The following GABRA4 variants were observed in gnomAD, a reference collection of about 807,000 sequenced individuals.
GABRA4 encodes the protein gamma-aminobutyric acid type A receptor subunit alpha4.
Under a neutral mutation model 49.7 loss-of-function variants are expected in GABRA4, and 12 were observed. That is an observed-to-expected ratio of 0.24 (90% CI 0.15 to 0.39). The LOEUF is 0.39. Ranked by LOEUF, GABRA4 falls within the 10% of genes least tolerant of loss-of-function variation. GABRA4 has a pLI of 1.00. For missense variants in GABRA4, 506 were observed against 686.0 expected, an observed-to-expected ratio of 0.74 and a Z score of 2.93; for synonymous variants, 288 against 240.2, an observed-to-expected ratio of 1.20 and a Z score of -1.84.
At chr4:46,939,234 T>G (rs1721709365) in intron 8 of GABRA4, among the ~76,000 whole-genome samples, 1 of 152,084 alleles carries the variant, frequency 6.6e-6, no homozygotes, top group African/African-American at 2.4e-5. Flanking sequence ...ATTTCCCTTC[T>G]CTTCTTACTT....
chr4:46,950,918 G>T (rs1056715627), intron 8 of GABRA4, among the ~76,000 whole-genome samples: 3 of 151,832 alleles, frequency 2.0e-5, no homozygotes, highest in Admixed American at 1.3e-4. Flanking sequence ...GCGAGTATTA[G>T]ATTCCTTCCT....
At chr4:46,978,770 G>T (rs1723243634) in intron 3 of GABRA4, among the ~76,000 whole-genome samples, 1 of 151,406 alleles carries the variant, frequency 6.6e-6, no homozygotes, top group Admixed American at 6.6e-5. Flanking sequence ...TGCACCCTAG[G>T]TTGTGCTATA....
At chr4:46,979,666 C>A (rs188058030) in intron 2 of GABRA4, among the ~76,000 whole-genome samples, 1 of 152,238 alleles carries the variant, frequency 6.6e-6, no homozygotes, top group East Asian at 1.9e-4. Flanking sequence ...CTGCCACCTA[C>A]TAGCTGTACA....
chr4:46,971,647 A>G lies in GABRA4; in HGVS notation c.722-412T>C, dbSNP rs1430164782. Among the ~76,000 whole-genome samples the G allele has an allele frequency of 2.8e-4, 43 of 151,358 alleles. 1 individual carries two copies. In the Admixed American group the frequency reaches 2.8e-3, roughly 10 times the overall value. On this transcript the variant is annotated intron_variant, in intron 6 of 8. Coordinates refer to ENST00000264318, the MANE Select transcript of GABRA4 (RefSeq NM_000809.4). ...CAGTTACACATACACAGACACTGAC[A>G]CATACACACACATTTATGAAAATAT...
chr4:46,964,709 TA>T (rs552126337), intron 8 of GABRA4, among the ~76,000 whole-genome samples: 2 of 151,682 alleles, frequency 1.3e-5, no homozygotes, highest in African/African-American at 2.4e-5. Context: ...CCCCTTTCTG[TA>T]AAAAAAACCT....
rs965929893 is a variant in GABRA4 at position 46,920,246 on chromosome 4, A to C, written c.*7979T>G. 12 of 151,722 alleles carry C rather than the reference A, an allele frequency of 7.9e-5. No individual in the cohort carries two copies. The highest frequency in any genetic ancestry group is 2.4e-4 in the African/African-American group (10 of 41,420). The allele number at this position is 151,722 out of a possible 1,614,324, so 9.4% of individuals were successfully genotyped here. A position where few individuals can be genotyped will look rare whatever the true frequency, so the allele number is the denominator to read the frequency against. ...CAAGTAATAATTTGTATAGATACCC[A>C]TGGAAATCTATAGTTTGCATATTAA... On this transcript the variant is annotated 3_prime_UTR_variant, in exon 9 of 9. Coordinates refer to ENST00000264318, the MANE Select transcript of GABRA4 (RefSeq NM_000809.4).
At position 46,923,497 on chromosome 4, in the gene GABRA4, T is replaced by A. The variant is rs560076726; in HGVS notation, c.*4728A>T. On this transcript the variant is annotated 3_prime_UTR_variant, in exon 9 of 9. Coordinates refer to ENST00000264318, the MANE Select transcript of GABRA4 (RefSeq NM_000809.4). ...TTCTGATTTCTGGGTGGTAGAATTT[T>A]GAGATTGTTTTTAAGTTTCTACAAT... is the stretch of plus-strand genomic sequence containing the variant. 1.3e-5 allele frequency: 2 copies of A among 152,160 alleles called. No individual in the cohort carries two copies. Among genetic ancestry groups the A allele is most frequent in the African/African-American group, 4.8e-5 (2 of 41,442 alleles). The allele number at this position is 152,160 out of a possible 1,614,324, so 9.4% of individuals were successfully genotyped here. A position where few individuals can be genotyped will look rare whatever the true frequency, so the allele number is the denominator to read the frequency against.
chr4:46,975,706 T>C (rs1236204031), intron 5 of GABRA4, among the ~76,000 whole-genome samples: 1 of 151,942 alleles, frequency 6.6e-6, no homozygotes, highest in African/African-American at 2.4e-5. Context: ...GAGAGCTTTT[T>C]CTGAGAACTA....
Position 46,928,499 on chromosome 4 carries a change from A to G in GABRA4, c.1391T>C (p.Met464Thr), listed in dbSNP as rs756707519. The G allele has an allele frequency of 6.2e-7, 1 of 1,613,690 alleles. No homozygotes were observed. Among genetic ancestry groups the G allele is most frequent in the Non-Finnish European group, 8.5e-7 (1 of 1,179,728 alleles). Residue 464 changes from methionine to threonine, a missense_variant, in exon 9 of 9, where the codon ATG becomes ACG. By Grantham distance (81) the Met-to-Thr change is moderately conservative. This residue lies in a region of GABRA4 where 243 missense variants were observed against 210.8 expected (regional missense o/e 1.15). Transcript: ENST00000264318. ...ASPTSIRTGYMPRKASVGSAS... is the reference protein window; with the variant it reads ...ASPTSIRTGYTPRKASVGSAS... ...AGATCCAACTGAAGCCTTTCGAGGC[A>G]TATATCCAGTTCGGATAGAAGTAGG...
chr4:46,975,901 T>C (rs1560480277), intron 5 of GABRA4, among the ~76,000 whole-genome samples: 2 of 152,084 alleles, frequency 1.3e-5, no homozygotes, highest in East Asian at 3.9e-4. Flanking sequence ...ACTCTCTGGC[T>C]TCAAGTTAGC....
chr4:46,970,184 C>T (rs374289539), intron 7 of GABRA4, among the ~76,000 whole-genome samples: 45 of 151,472 alleles, frequency 3.0e-4, no homozygotes, highest in African/African-American at 1.0e-3. Flanking sequence ...TTAGTTCCTT[C>T]GCACCAGCAT....
chr4:46,979,234 T>C (rs909881234), intron 2 of GABRA4, 136 bp from the exon 3 acceptor site: 123 of 611,448 alleles, frequency 2.0e-4, no homozygotes, highest in Middle Eastern at 4.2e-4. Context: ...AGTGAGATAA[T>C]GAATCTCTAC....
chr4:46,946,803 C>A (rs1338072291), intron 8 of GABRA4, among the ~76,000 whole-genome samples: 1 of 152,052 alleles, frequency 6.6e-6, no homozygotes, highest in Non-Finnish European at 1.5e-5. Flanking sequence ...GAAAGTTCCA[C>A]ACAAATTTCT....
chr4:46,975,924 G>A (rs1346413613), intron 5 of GABRA4, among the ~76,000 whole-genome samples: 1 of 151,910 alleles, frequency 6.6e-6, no homozygotes, highest in Non-Finnish European at 1.5e-5. Flanking sequence ...ACTGAATATT[G>A]TGATTACTAG....
intron 2 of GABRA4, among the ~76,000 whole-genome samples, chr4:46,987,936 C>A (rs982537331): frequency 1.3e-5 from 2 of 152,122 alleles, no homozygotes; most frequent in Admixed American, 1.3e-4. Flanking sequence ...TCCCCAGAGA[C>A]CCTATGAGAC....
chr4:46,978,217 C>T (rs1723212388), intron 3 of GABRA4, among the ~76,000 whole-genome samples: 1 of 151,970 alleles, frequency 6.6e-6, no homozygotes, highest in Non-Finnish European at 1.5e-5. Flanking sequence ...CTGACCAGTG[C>T]TTCGTATTCT....
At position 46,923,912 on chromosome 4, in the gene GABRA4, T is replaced by C. The variant is rs1577735405; in HGVS notation, c.*4313A>G. ...TACCTCCAAACACAGAACTAAGAATTTGTAGTAAGAGTTCCCCTTGACTTT... is the reference window on the plus strand; with the variant it reads ...TACCTCCAAACACAGAACTAAGAATCTGTAGTAAGAGTTCCCCTTGACTTT... On this transcript the variant is annotated 3_prime_UTR_variant, in exon 9 of 9. Coordinates refer to ENST00000264318, the MANE Select transcript of GABRA4 (RefSeq NM_000809.4). 6.6e-6 allele frequency: 1 copy of C among 152,054 alleles called. No homozygotes were observed. Among genetic ancestry groups the C allele is most frequent in the Admixed American group, 6.6e-5 (1 of 15,240 alleles). The allele number at this position is 152,054 out of a possible 1,614,324, so 9.4% of individuals were successfully genotyped here.
intron 8 of GABRA4, among the ~76,000 whole-genome samples, chr4:46,963,758 C>T (rs1722656946): frequency 6.6e-6 from 1 of 151,802 alleles, no homozygotes; most frequent in Non-Finnish European, 1.5e-5. Context: ...AATGACGCAT[C>T]ATCTCACCCC....
rs958691010 is a variant in GABRA4, at chr4:46,971,605, A to G, written c.722-370T>C. ...TATCTTCTATGAAAAACCACTAGAA[A>G]AAAATAGAAATGCACACAGTTACAC... On this transcript the variant is annotated intron_variant, in intron 6 of 8. Coordinates refer to ENST00000264318, the MANE Select transcript of GABRA4 (RefSeq NM_000809.4). Among the ~76,000 whole-genome samples, 10 of 151,458 alleles carry G rather than the reference A, an allele frequency of 6.6e-5. No homozygotes were observed. The Admixed American group carries it at 6.6e-4, about 10-fold the overall frequency.
Sources: allele counts gnomAD v4.1 joint callset (sites outside exome capture counted in the v4.1 genomes callset), GRCh38; gene constraint gnomAD v4.1.1; regional missense constraint gnomAD v4.1.1; transcripts MANE v1.5; gene names NCBI Gene and HGNC (gene_info 2026-07-23, HGNC 2026-07-21).